TAF2: variants seen among roughly 807,000 people sequenced by gnomAD.
TAF2 encodes the protein transcription initiation factor TFIID subunit 2.
In TAF2, 61 loss-of-function variants were observed where a neutral mutation model predicts 138.5. That is an observed-to-expected ratio of 0.44 (90% confidence interval 0.36 to 0.54). The LOEUF (loss-of-function observed/expected upper bound fraction) is 0.54, where lower values mean the gene tolerates loss of function less well. Among genes scored for constraint, TAF2 ranks in the 20% least tolerant of loss-of-function variants. The pLI is 0.00. For synonymous variants in TAF2, 475 were observed against 469.9 expected (o/e 1.01, Z -0.14); for missense variants, 1,090 against 1,427.9 (o/e 0.76, Z 3.81).
intron 3 of TAF2, among the ~76,000 whole-genome samples, chr8:119,812,291 C>T (rs901994359): frequency 2.0e-5 from 3 of 151,590 alleles, no homozygotes; most frequent in African/African-American, 7.3e-5. Context: ...TAATAGATAG[C>T]TCAAGACAGG....
At chr8:119,794,556 C>T (rs2131181628) in intron 9 of TAF2, among the ~76,000 whole-genome samples, 1 of 152,306 alleles carries the variant, frequency 6.6e-6, no homozygotes, top group South Asian at 2.1e-4. Flanking sequence ...TACTTACTAG[C>T]TGTATACTTT....
chr8:119,739,988 G>A (rs1224156919), intron 25 of TAF2, among the ~76,000 whole-genome samples: 1 of 151,906 alleles, frequency 6.6e-6, no homozygotes, highest in East Asian at 1.9e-4. Flanking sequence ...ACTGGATATA[G>A]GCCAAAAAAC....
At chr8:119,806,471 T>TTC in intron 3 of TAF2, 70 bp from the exon 4 acceptor site, 1 of 107,386 alleles carries the variant, frequency 9.3e-6, no homozygotes, top group Non-Finnish European at 1.3e-5. Flanking sequence ...CTTTCTTTCT[T>TTC]TTTTTTTTTT....
intron 6 of TAF2, among the ~76,000 whole-genome samples, chr8:119,799,514 A>G (rs1824089949): frequency 6.6e-6 from 1 of 152,200 alleles, no homozygotes; most frequent in African/African-American, 2.4e-5. Context: ...ATAGTATTCC[A>G]TGATGCATAT....
intron 3 of TAF2, among the ~76,000 whole-genome samples, chr8:119,809,620 T>C (rs940032749): frequency 2.6e-5 from 4 of 152,164 alleles, no homozygotes; most frequent in African/African-American, 9.7e-5. Flanking sequence ...TTCCTTTCAC[T>C]TGCATGCTCA....
chr8:119,832,405 T>C, intron 1 of TAF2, 77 bp downstream of exon 1: 1 of 1,401,794 alleles, frequency 7.1e-7, no homozygotes, highest in Non-Finnish European at 1.0e-6. Context: ...GCCCACCAAG[T>C]CAATTTCAAG....
At chr8:119,738,822 T>C (rs1819401890) in intron 25 of TAF2, among the ~76,000 whole-genome samples, 1 of 152,178 alleles carries the variant, frequency 6.6e-6, no homozygotes, top group South Asian at 2.1e-4. Context: ...GGTATATGTT[T>C]AAATTTAACA....
intron 22 of TAF2, among the ~76,000 whole-genome samples, chr8:119,749,932 T>C (rs1288899995): frequency 6.6e-6 from 1 of 152,218 alleles, no homozygotes; most frequent in African/African-American, 2.4e-5. Flanking sequence ...AGACCAAGCC[T>C]GTTTATCTGA....
Position 119,777,562 on chromosome 8 carries a change from G to T in TAF2, c.2364+457C>A, listed in dbSNP as rs551904333. On this transcript the variant is annotated intron_variant, in intron 18 of 25. Coordinates refer to ENST00000378164, the MANE Select transcript of TAF2 (RefSeq NM_003184.4). ...AATTTTTGAAGCAGGACATCCAATT[G>T]CTATTTGCTAAATAAATGAATAAAG... 9.3e-4 allele frequency among the ~76,000 whole-genome samples: 137 copies of T among 147,742 alleles called. 1 individual carries two copies. The highest frequency in any genetic ancestry group is 3.4e-3 in the African/African-American group (128 of 37,270).
chr8:119,796,024 A>G (rs1460385235), intron 8 of TAF2, among the ~76,000 whole-genome samples: 1 of 152,068 alleles, frequency 6.6e-6, no homozygotes, highest in Non-Finnish European at 1.5e-5. Flanking sequence ...TGCCAATCCC[A>G]TGCATTATGC....
chr8:119,763,804 C>G (rs1032881605), intron 18 of TAF2, among the ~76,000 whole-genome samples: 1 of 151,144 alleles, frequency 6.6e-6, no homozygotes, highest in East Asian at 2.0e-4. Context: ...AAGTGAGCCA[C>G]GATTGCACCA....
At chr8:119,779,249 G>GAC (rs10636618) in intron 17 of TAF2, among the ~76,000 whole-genome samples, 42,439 of 147,174 alleles carry the variant, frequency 0.29, 6,573 homozygotes, top group African/African-American at 0.41. Context: ...CACAACCTAA[G>GAC]ACACACACAC....
chr8:119,761,404 G>T (rs1821052754), intron 19 of TAF2, among the ~76,000 whole-genome samples: 1 of 152,064 alleles, frequency 6.6e-6, no homozygotes. Flanking sequence ...ATTGCCTAAA[G>T]ACTAATTTCT....
intron 3 of TAF2, among the ~76,000 whole-genome samples, chr8:119,809,997 G>GGAAA (rs1408687615): frequency 3.1e-5 from 1 of 32,018 alleles, no homozygotes; most frequent in African/African-American, 1.2e-4. Context: ...CCTTCAATTT[G>GGAAA]TAAAAAAAAA....
intron 8 of TAF2, 86 bp downstream of exon 8, chr8:119,796,904 G>A (rs1823865985): frequency 2.1e-6 from 2 of 933,016 alleles, no homozygotes; most frequent in Admixed American, 3.5e-5. Flanking sequence ...TCTGCAATTA[G>A]GGCAAAGGTC....
rs772280639 is a variant in TAF2 at position 119,788,433 on chromosome 8, CACTTT to C, written c.1693_1697del (p.Lys565AspfsTer16). On this transcript the variant is annotated frameshift_variant, in exon 14 of 26. Coordinates refer to ENST00000378164, the MANE Select transcript of TAF2 (RefSeq NM_003184.4). LOFTEE classifies it high-confidence loss of function. ...AGGATCCATCTAACTCCTGCACTGT[CACTTT>C]AAGTGGTCCCTTTTAAAAAAAAAAC... The C allele has an allele frequency of 6.2e-7, 1 of 1,611,958 alleles. No homozygotes were observed. The highest frequency in any genetic ancestry group is 1.1e-5 in the South Asian group (1 of 91,018).
chr8:119,767,994 G>A (rs565473334), intron 18 of TAF2, among the ~76,000 whole-genome samples: 16 of 152,286 alleles, frequency 1.1e-4, no homozygotes, highest in African/African-American at 3.6e-4. Flanking sequence ...CCCCAACAGC[G>A]AAATACACCT....
At chr8:119,804,474 T>C (rs1230767772) in intron 4 of TAF2, among the ~76,000 whole-genome samples, 2 of 152,172 alleles carry the variant, frequency 1.3e-5, no homozygotes, top group African/African-American at 4.8e-5. Context: ...GGTAACTGAA[T>C]CACAGGGGCA....
chr8:119,811,805 C>CAAAA (rs771523182), intron 3 of TAF2, among the ~76,000 whole-genome samples: 1 of 60,302 alleles, frequency 1.7e-5, no homozygotes, highest in African/African-American at 6.3e-5. Flanking sequence ...GACTCCGTCT[C>CAAAA]AAAAAAAAAA....
Sources: allele counts gnomAD v4.1 joint callset (sites outside exome capture counted in the v4.1 genomes callset), GRCh38; gene constraint gnomAD v4.1.1; transcripts MANE v1.5; gene names NCBI Gene and HGNC (gene_info 2026-07-23, HGNC 2026-07-21).